The following CDKAL1 variants were observed in gnomAD, a reference collection of about 807,000 sequenced individuals.
The protein encoded by CDKAL1 is threonylcarbamoyladenosine tRNA methylthiotransferase.
CDKAL1 carries 32 observed loss-of-function variants against 68.2 expected under a neutral mutation model. The ratio of observed to expected loss-of-function variants is 0.47; its 90% CI spans 0.35 to 0.63. The LOEUF is 0.63. CDKAL1 is among the 30% of genes least tolerant of loss of function. The probability of loss-of-function intolerance (pLI) is 0.00; values close to 1 mark genes in which losing one functional copy is unlikely to be tolerated. For synonymous variants in CDKAL1, 234 were observed against 244.3 expected, an observed-to-expected ratio of 0.96 and a Z score of 0.39; for missense variants, 606 against 696.7, an observed-to-expected ratio of 0.87 and a Z score of 1.47.
chr6:21,200,051 A>G (rs2305955), intron 14 of CDKAL1, among the ~76,000 whole-genome samples: 73,543 of 152,116 alleles, frequency 0.48, 18,744 homozygotes, highest in African/African-American at 0.65. Flanking sequence ...AGTTCCAGAG[A>G]TGAAGATTGT....
chr6:21,047,742 C>T (rs1182271014), intron 11 of CDKAL1, among the ~76,000 whole-genome samples: 1 of 152,048 alleles, frequency 6.6e-6, no homozygotes, highest in Admixed American at 6.6e-5. Context: ...ACAGGGACAT[C>T]ATAGAGGTAC....
At chr6:20,879,434 T>C (rs1352136502) in intron 9 of CDKAL1, among the ~76,000 whole-genome samples, 1 of 152,256 alleles carries the variant, frequency 6.6e-6, no homozygotes, top group Non-Finnish European at 1.5e-5. Context: ...TGTTATGTAA[T>C]AGTCACTTCA....
At chr6:20,987,094 A>G (rs180735902) in intron 10 of CDKAL1, among the ~76,000 whole-genome samples, 1 of 152,270 alleles carries the variant, frequency 6.6e-6, no homozygotes, top group East Asian at 1.9e-4. Context: ...GTTTAACTTC[A>G]CTGACTCAAA....
intron 8 of CDKAL1, among the ~76,000 whole-genome samples, chr6:20,834,508 G>A (rs1350210793): frequency 6.6e-6 from 1 of 152,088 alleles, no homozygotes; most frequent in Non-Finnish European, 1.5e-5. Flanking sequence ...TGTTTGGTTG[G>A]TTTATTTTTG....
intron 13 of CDKAL1, among the ~76,000 whole-genome samples, chr6:21,192,301 G>A (rs953852811): frequency 4.6e-5 from 7 of 151,916 alleles, no homozygotes; most frequent in African/African-American, 9.7e-5. Flanking sequence ...GATTACAGGC[G>A]TGAGCCACCG....
At chr6:20,659,327 T>A (rs915705610) in intron 5 of CDKAL1, among the ~76,000 whole-genome samples, 7 of 152,184 alleles carry the variant, frequency 4.6e-5, no homozygotes, top group Non-Finnish European at 1.0e-4. Flanking sequence ...TTATATGAAA[T>A]GGCTATAGTT....
chr6:20,999,821 G>A lies in CDKAL1; in HGVS notation c.910-406G>A, dbSNP rs191737609. The stretch of plus-strand genomic sequence containing the variant: ...GAAACTTTCTGTATTCCAGTATAGG[G>A]GATTATGGGATCTCAAGTGTTTGCC... On this transcript the variant is annotated intron_variant, in intron 10 of 15. Transcript: ENST00000274695. Among the ~76,000 whole-genome samples, 83 of 152,128 alleles carry A rather than the reference G, an allele frequency of 5.5e-4. 1 individual carries two copies. Among genetic ancestry groups the A allele is most frequent in the African/African-American group, 1.9e-3 (77 of 41,506 alleles).
chr6:21,014,013 A>G (rs1768162351), intron 11 of CDKAL1, among the ~76,000 whole-genome samples: 1 of 152,246 alleles, frequency 6.6e-6, no homozygotes, highest in Non-Finnish European at 1.5e-5. Flanking sequence ...CTCATGGTCC[A>G]TGATGACTGC....
intron 8 of CDKAL1, among the ~76,000 whole-genome samples, chr6:20,833,392 C>A (rs1012186375): frequency 2.0e-5 from 3 of 152,116 alleles, no homozygotes; most frequent in South Asian, 4.2e-4. Flanking sequence ...CTAAAACTTG[C>A]TCTTAAACAA....
chr6:21,086,421 C>CT (rs1249998090), intron 12 of CDKAL1, among the ~76,000 whole-genome samples: 1 of 152,148 alleles, frequency 6.6e-6, no homozygotes, highest in Admixed American at 6.5e-5. Context: ...AGACAAAATT[C>CT]TTTTAACTGG....
chr6:21,201,378 T>C (rs1778687209), intron 15 of CDKAL1, 104 bp downstream of exon 15: 3 of 968,310 alleles, frequency 3.1e-6, no homozygotes, highest in Non-Finnish European at 4.5e-6. Context: ...GTTCCCTTTT[T>C]ATGTATGCAT....
chr6:21,201,270 C>A lies in CDKAL1; in HGVS notation c.1544C>A (p.Thr515Lys). The change falls in exon 15 of 16, where the codon ACA (threonine) becomes AAA (lysine). Residue 515 changes from threonine to lysine, a missense_variant. Coordinates refer to ENST00000274695, the MANE Select transcript of CDKAL1 (RefSeq NM_017774.3). ...PLAKGEVSGL[T>K]KDFRNGLGNQ... is the part of the protein sequence containing the mutation. ...GCAAAGGGAGAAGTCTCGGGTTTGA[C>A]AAAGGTAAGTAAAAGATGCTCTCCT... The A allele has an allele frequency of 6.2e-7, 1 of 1,603,884 alleles. No individual in the cohort carries two copies. The highest frequency in any genetic ancestry group is 8.5e-7 in the Non-Finnish European group (1 of 1,171,698).
intron 11 of CDKAL1, among the ~76,000 whole-genome samples, chr6:21,003,387 CACATAT>C (rs1484058765): frequency 1.0e-5 from 1 of 98,172 alleles, no homozygotes. Flanking sequence ...CACACACACA[CACATAT>C]ATACACACAT....
intron 4 of CDKAL1, among the ~76,000 whole-genome samples, chr6:20,581,442 T>C (rs565380497): frequency 7.2e-5 from 11 of 152,372 alleles, no homozygotes; most frequent in Middle Eastern, 3.4e-3. Flanking sequence ...TTTAAGTTCC[T>C]TGTTAATGTT....
chr6:20,567,310 G>A (rs9460521), intron 4 of CDKAL1, among the ~76,000 whole-genome samples: 5,906 of 151,576 alleles, frequency 0.039, 364 homozygotes, highest in African/African-American at 0.13. Context: ...AATGGTTTAT[G>A]GAGTAGTTGT....
intron 9 of CDKAL1, among the ~76,000 whole-genome samples, chr6:20,928,931 G>A (rs565562560): frequency 5.3e-5 from 8 of 152,094 alleles, no homozygotes; most frequent in African/African-American, 1.7e-4. Context: ...AAATACTTAC[G>A]AAGTCGAGTC....
At chr6:20,958,827 C>T (rs1764909672) in intron 10 of CDKAL1, among the ~76,000 whole-genome samples, 2 of 152,124 alleles carry the variant, frequency 1.3e-5, no homozygotes. Context: ...TGTTTTCCTT[C>T]CTCTTCATTC....
At chr6:20,575,459 AAAAG>A (rs1764872338) in intron 4 of CDKAL1, among the ~76,000 whole-genome samples, 3 of 151,272 alleles carry the variant, frequency 2.0e-5, no homozygotes, top group African/African-American at 7.3e-5. Flanking sequence ...AAAAAAAAAA[AAAAG>A]AAAGCAAACT....
intron 13 of CDKAL1, among the ~76,000 whole-genome samples, chr6:21,170,534 T>C (rs2151074373): frequency 6.6e-6 from 1 of 152,304 alleles, no homozygotes; most frequent in East Asian, 1.9e-4. Context: ...TTCACTATCT[T>C]GGCCAGGCTG....
Sources: allele counts gnomAD v4.1 joint callset (sites outside exome capture counted in the v4.1 genomes callset), GRCh38; gene constraint gnomAD v4.1.1; transcripts MANE v1.5; gene names NCBI Gene and HGNC (gene_info 2026-07-23, HGNC 2026-07-21).